VPS13B: variants seen among roughly 807,000 people sequenced by gnomAD.
VPS13B encodes the protein vacuolar protein sorting 13 homolog B, also known as intermembrane lipid transfer protein VPS13B.
In VPS13B, 285 loss-of-function variants were observed where a neutral mutation model predicts 426.4. That is an observed-to-expected ratio of 0.67 (90% CI 0.61 to 0.74). VPS13B has a LOEUF of 0.74. VPS13B is among the 30% of genes least tolerant of loss of function. The pLI is 0.00. For missense variants in VPS13B, 4,537 were observed against 4,782.6 expected, an observed-to-expected ratio of 0.95 and a Z score of 1.51; for synonymous variants, 1,676 against 1,676.4, an observed-to-expected ratio of 1.00 and a Z score of 0.01.
chr8:99,532,075 A>G (rs1423853719), intron 30 of VPS13B, among the ~76,000 whole-genome samples: 2 of 152,148 alleles, frequency 1.3e-5, no homozygotes. Context: ...TGAGAGAAGT[A>G]TATTCTTCTT....
chr8:99,117,777 G>A lies in VPS13B; in HGVS notation c.937+1903G>A, dbSNP rs148791820. Among the ~76,000 whole-genome samples, 76 of 152,254 alleles carry A rather than the reference G, an allele frequency of 5.0e-4. No homozygotes were observed. The East Asian group carries it at 0.013, about 25-fold the overall frequency. On this transcript the variant is annotated intron_variant, in intron 7 of 61. Transcript: ENST00000357162. The stretch of plus-strand genomic sequence containing the variant: ...GCAGGAAGTAGATTAGTAACCAGGA[G>A]TTGCGGGGAGGAGAGAATGACTGCA...
chr8:99,272,666 C>G (rs1428451878), intron 17 of VPS13B, among the ~76,000 whole-genome samples: 1 of 152,098 alleles, frequency 6.6e-6, no homozygotes, highest in Non-Finnish European at 1.5e-5. Flanking sequence ...AGTTTTCCAA[C>G]CATTTATTTA....
chr8:99,409,579 A>C (rs1815511002), intron 21 of VPS13B, among the ~76,000 whole-genome samples: 1 of 152,166 alleles, frequency 6.6e-6, no homozygotes, highest in Non-Finnish European at 1.5e-5. Context: ...AAATTACCAA[A>C]AAATAATCAA....
chr8:99,307,433 A>T (rs1820701420), intron 19 of VPS13B, among the ~76,000 whole-genome samples: 1 of 152,118 alleles, frequency 6.6e-6, no homozygotes, highest in Non-Finnish European at 1.5e-5. Flanking sequence ...TCTATTTTCA[A>T]ATGCTTCCTA....
At chr8:99,077,729 G>A (rs1028266678) in intron 3 of VPS13B, among the ~76,000 whole-genome samples, 3 of 151,960 alleles carry the variant, frequency 2.0e-5, no homozygotes, top group Non-Finnish European at 4.4e-5. Flanking sequence ...GGTAGAATCC[G>A]TTTGGGGTTC....
At chr8:99,864,992 G>T (rs947769194) in intron 58 of VPS13B, among the ~76,000 whole-genome samples, 3 of 152,200 alleles carry the variant, frequency 2.0e-5, no homozygotes, top group Admixed American at 6.5e-5. Flanking sequence ...CCCTCATGGG[G>T]ACACTATGGA....
At chr8:99,646,680 C>T (rs1280810013) in intron 34 of VPS13B, among the ~76,000 whole-genome samples, 2 of 152,168 alleles carry the variant, frequency 1.3e-5, no homozygotes, top group South Asian at 4.2e-4. Context: ...GAAGGTAAGG[C>T]CTAGTGGGAA....
At chr8:99,419,205 G>A (rs1267079432) in intron 21 of VPS13B, among the ~76,000 whole-genome samples, 1 of 152,070 alleles carries the variant, frequency 6.6e-6, no homozygotes, top group East Asian at 1.9e-4. Flanking sequence ...AAAAGTTTGT[G>A]GCACTTCCTC....
chr8:99,591,486 G>A (rs939213545), intron 33 of VPS13B, among the ~76,000 whole-genome samples: 16 of 152,076 alleles, frequency 1.1e-4, no homozygotes, highest in Admixed American at 1.0e-3. Flanking sequence ...ATGGTGGCTG[G>A]TACCAGTTGT....
chr8:99,819,546 A>G lies in VPS13B; in HGVS notation c.8756A>G (p.Gln2919Arg), dbSNP rs987741026. The change falls in exon 48 of 62, where the codon CAA becomes CGA. Residue 2919 changes from glutamine to arginine, a missense_variant. By Grantham distance (43) the Gln-to-Arg change is conservative. This residue lies in a region of VPS13B where 4,311 missense variants were observed against 4,474.3 expected (regional missense o/e 0.96). Transcript: ENST00000357162. The part of the protein sequence containing the change: ...DEFYGPEKSL[Q>R]PIWPYNKKDS... ...TTCTATGGGCCAGAAAAGTCGCTTC[A>G]ACCCATATGGCCCTATAATAAGAAG... 6.2e-7 allele frequency: 1 copy of G among 1,613,706 alleles called. No individual in the cohort carries two copies. Among genetic ancestry groups the G allele is most frequent in the Admixed American group, 1.7e-5 (1 of 59,948 alleles).
At chr8:99,470,361 C>T (rs1387932152) in intron 24 of VPS13B, among the ~76,000 whole-genome samples, 1 of 152,016 alleles carries the variant, frequency 6.6e-6, no homozygotes, top group Non-Finnish European at 1.5e-5. Context: ...TGCAAAATGA[C>T]TTTAAGGCAG....
chr8:99,315,969 G>A (rs1320964530), intron 19 of VPS13B, among the ~76,000 whole-genome samples: 1 of 152,140 alleles, frequency 6.6e-6, no homozygotes, highest in Non-Finnish European at 1.5e-5. Flanking sequence ...ATAGGGGAAG[G>A]CTTTTACCTG....
chr8:99,167,606 TATA>T (rs1346438781), intron 15 of VPS13B, among the ~76,000 whole-genome samples: 1 of 152,124 alleles, frequency 6.6e-6, no homozygotes, highest in East Asian at 1.9e-4. Context: ...TAAGTTGCCA[TATA>T]ATGTTTCTAA....
At chr8:99,709,959 T>C (rs1832643329) in intron 36 of VPS13B, among the ~76,000 whole-genome samples, 1 of 152,226 alleles carries the variant, frequency 6.6e-6, no homozygotes, top group South Asian at 2.1e-4. Context: ...TAAAATTGTT[T>C]CAGAATTTAA....
intron 19 of VPS13B, among the ~76,000 whole-genome samples, chr8:99,366,986 G>A (rs1812926411): frequency 1.3e-5 from 2 of 152,040 alleles, no homozygotes; most frequent in Admixed American, 6.6e-5. Flanking sequence ...TGTAGTTATT[G>A]TCCTAGATTG....
At chr8:99,181,031 A>T (rs906195076) in intron 16 of VPS13B, among the ~76,000 whole-genome samples, 7 of 152,210 alleles carry the variant, frequency 4.6e-5, no homozygotes, top group African/African-American at 1.7e-4. Context: ...TGTAAGCATG[A>T]ATATCTTTTA....
At chr8:99,727,625 C>T (rs539343694) in intron 39 of VPS13B, among the ~76,000 whole-genome samples, 2 of 152,322 alleles carry the variant, frequency 1.3e-5, no homozygotes, top group African/African-American at 4.8e-5. Flanking sequence ...CATTCACTAT[C>T]ACAAGAATAG....
At chr8:99,628,550 C>CAGTGGACA (rs1828707870) in intron 33 of VPS13B, among the ~76,000 whole-genome samples, 1 of 152,148 alleles carries the variant, frequency 6.6e-6, no homozygotes, top group South Asian at 2.1e-4. Flanking sequence ...ACATATGTAG[C>CAGTGGACA]AGTGGACAAG....
intron 17 of VPS13B, among the ~76,000 whole-genome samples, chr8:99,251,528 T>C (rs1402977886): frequency 2.0e-5 from 3 of 152,210 alleles, no homozygotes; most frequent in Admixed American, 6.5e-5. Context: ...GGCCATGATG[T>C]ATTATTTATA....
Sources: gnomAD v4.1 joint callset for allele counts (sites outside exome capture counted in the v4.1 genomes callset) on GRCh38, gnomAD v4.1.1 for gene constraint, gnomAD v4.1.1 regional missense constraint, MANE v1.5 for transcripts, NCBI Gene and HGNC (gene_info 2026-07-23, HGNC 2026-07-21) for gene names.